TSC2: variants seen among roughly 807,000 people sequenced by gnomAD.
The protein encoded by TSC2 is tuberin.
A neutral mutation model predicts 202.2 loss-of-function variants in TSC2; 29 were observed. The observed-to-expected ratio is 0.14, with a 90% CI of 0.11 to 0.20. TSC2 has a LOEUF of 0.20. TSC2 is among the 10% of genes least tolerant of loss of function. The probability of loss-of-function intolerance (pLI) is 1.00; values close to 1 mark genes in which losing one functional copy is unlikely to be tolerated. For missense variants in TSC2, 2,429 were observed against 2,420.0 expected (o/e 1.00, Z -0.08); for synonymous variants, 1,349 against 1,044.0 (o/e 1.29, Z -5.63).
intron 22 of TSC2, among the ~76,000 whole-genome samples, chr16:2,075,574 G>A (rs1436574330): frequency 4.0e-5 from 6 of 149,798 alleles, no homozygotes; most frequent in East Asian, 3.9e-4. Flanking sequence ...CTTTCCTCAC[G>A]GATCACACAA....
At chr16:2,085,416 A>G in intron 36 of TSC2, 94 bp downstream of exon 36, 1 of 1,320,424 alleles carries the variant, frequency 7.6e-7, no homozygotes, top group East Asian at 2.3e-5. Context: ...CGCCCCACAG[A>G]GCTCAACACT....
chr16:2,071,748 G>T lies in TSC2; in HGVS notation c.1947-36G>T, dbSNP rs376758220. ...CCAAGTCTGTTCCGTTCCTGCTGCG[G>T]GGACTTGGCCTCAGCTGCTTCTCTT... On this transcript the variant is annotated intron_variant, in intron 18 of 41. Coordinates refer to ENST00000219476, the MANE Select transcript of TSC2 (RefSeq NM_000548.5). 3 of 1,600,904 alleles carry T rather than the reference G, an allele frequency of 1.9e-6. No individual in the cohort carries two copies. In the African/African-American group the frequency reaches 4.0e-5, roughly 21 times the overall value.
At chr16:2,055,890 CAAAAAAAAA>C (rs373314420) in intron 6 of TSC2, 22 of 266,928 alleles carry the variant, frequency 8.2e-5, no homozygotes, top group African/African-American at 6.3e-4. Flanking sequence ...AACTCCATCT[CAAAAAAAAA>C]AAAAAAAAAA....
At chr16:2,083,601 C>T (rs1387740328) in intron 32 of TSC2, 94 bp from the exon 33 acceptor site, 3 of 1,540,434 alleles carry the variant, frequency 1.9e-6, no homozygotes, top group Non-Finnish European at 1.7e-6. Flanking sequence ...GGCTGCTGTC[C>T]CTCTGGTCAG....
At chr16:2,070,601 G>A in intron 17 of TSC2, 23 bp downstream of exon 17, 1 of 1,612,778 alleles carries the variant, frequency 6.2e-7, no homozygotes, top group Non-Finnish European at 8.5e-7. Flanking sequence ...GGGTTGCGCA[G>A]CCAGTTCCTG....
At chr16:2,055,010 G>T in intron 5 of TSC2, 1 of 358,228 alleles carries the variant, frequency 2.8e-6, no homozygotes, top group African/African-American at 2.1e-5. Flanking sequence ...CCTGTCTGAG[G>T]TGACGTGGCC....
intron 7 of TSC2, 25 bp downstream of exon 7, chr16:2,056,269 C>T (rs367881085): frequency 1.7e-5 from 27 of 1,613,604 alleles, no homozygotes; most frequent in African/African-American, 4.0e-5. Context: ...TCCCCAGGGC[C>T]GGCCCATTTC....
intron 17 of TSC2, chr16:2,071,251 C>G (rs1333043023): frequency 3.5e-6 from 2 of 565,648 alleles, no homozygotes; most frequent in Admixed American, 2.9e-5. Context: ...CCTTCCATCC[C>G]AGGCGGGCCC....
Position 2,048,002 on chromosome 16 carries a change from G to A in TSC2, c.-93G>A, listed in dbSNP as rs2084550820. ...CGGGTCGCGCTTCCGGCGGCGTCCC[G>A]GGGCCAGGGGGGTGCGCCTTTCTCC... On this transcript the variant is annotated 5_prime_UTR_variant, in exon 1 of 42. Transcript: ENST00000219476. 2 of 1,485,980 alleles carry A rather than the reference G, an allele frequency of 1.3e-6. No individual in the cohort carries two copies. Among genetic ancestry groups the A allele is most frequent in the Non-Finnish European group, 8.9e-7 (1 of 1,121,168 alleles). The allele number at this position is 1,485,980 out of a possible 1,614,324, so 92.0% of individuals were successfully genotyped here. A position where few individuals can be genotyped will look rare whatever the true frequency, so the allele number is the denominator to read the frequency against.
chr16:2,077,627 G>T lies in TSC2; in HGVS notation c.2867G>T (p.Gly956Val), dbSNP rs2151413781. ...SLRIARPPKQ[G>V]LNNSPPVKEF... is the part of the protein sequence containing the mutation. ...AGGATAGCCAGACCCCCCAAACAAG[G>T]CTTGAATAACTCTCCACCCGTGAAA... The change falls in exon 26 of 42, where the codon GGC becomes GTC. Residue 956 changes from glycine (G) to valine (V), a missense_variant. Gly to Val is a moderately radical substitution (Grantham distance 109). Coordinates refer to ENST00000219476, the MANE Select transcript of TSC2 (RefSeq NM_000548.5). The T allele has an allele frequency of 6.2e-7, 1 of 1,613,154 alleles. No homozygotes were observed. Among genetic ancestry groups the T allele is most frequent in the Non-Finnish European group, 8.5e-7 (1 of 1,180,012 alleles).
chr16:2,076,321 C>A (rs902867763), intron 24 of TSC2, 151 bp downstream of exon 24: 11 of 1,557,782 alleles, frequency 7.1e-6, no homozygotes, highest in African/African-American at 6.8e-5. Context: ...CTCTGCTGGG[C>A]AGCCTGCAGG....
chr16:2,078,958 T>C (rs2089775027), intron 26 of TSC2, 74 bp from the exon 27 acceptor site: 1 of 1,598,656 alleles, frequency 6.3e-7, no homozygotes. Flanking sequence ...TGCGTTGAGC[T>C]TTGGCCCTTG....
intron 11 of TSC2, 178 bp from the exon 12 acceptor site, chr16:2,061,691 GTC>G (rs898758544): frequency 3.0e-6 from 3 of 1,001,184 alleles, no homozygotes; most frequent in Non-Finnish European, 4.5e-6. Context: ...ATCTGGGGGT[GTC>G]TCAACCCATG....
At chr16:2,065,351 T>C (rs2087184638) in intron 15 of TSC2, 168 bp from the exon 16 acceptor site, 1 of 662,662 alleles carries the variant, frequency 1.5e-6, no homozygotes, top group Non-Finnish European at 2.7e-6. Flanking sequence ...AGGCGGAGCT[T>C]GTAGTGAGCT....
At chr16:2,085,125 G>T in intron 35 of TSC2, 99 bp downstream of exon 35, 1 of 1,601,292 alleles carries the variant, frequency 6.2e-7, no homozygotes, top group Admixed American at 1.7e-5. Flanking sequence ...GCTTGCAGAG[G>T]GCTCTGGCCT....
chr16:2,087,343 G>A (rs564414339), intron 38 of TSC2: 338 of 336,776 alleles, frequency 1.0e-3, no homozygotes, highest in African/African-American at 6.2e-3. Flanking sequence ...GCCCAGGCAG[G>A]GCAGATAGGC....
chr16:2,049,953 CTTTTTTTT>C (rs34020463), intron 2 of TSC2, among the ~76,000 whole-genome samples: 1 of 135,486 alleles, frequency 7.4e-6, no homozygotes, highest in Non-Finnish European at 1.6e-5. Context: ...CTCAGTAAAT[CTTTTTTTT>C]TTTTTTTTTT....
chr16:2,070,930 G>A (rs1434665529), intron 17 of TSC2, among the ~76,000 whole-genome samples: 1 of 151,942 alleles, frequency 6.6e-6, no homozygotes, highest in Non-Finnish European at 1.5e-5. Context: ...GCACAGGGCA[G>A]AGCTGAGAGG....
intron 14 of TSC2, 32 bp downstream of exon 14, chr16:2,063,085 C>T: frequency 6.4e-7 from 1 of 1,550,568 alleles, no homozygotes; most frequent in Non-Finnish European, 8.7e-7. Flanking sequence ...GCTGGGGGCT[C>T]AGGGCTATTT....
Sources: gnomAD v4.1 joint callset for allele counts (sites outside exome capture counted in the v4.1 genomes callset) on GRCh38, gnomAD v4.1.1 for gene constraint, MANE v1.5 for transcripts, NCBI Gene and HGNC (gene_info 2026-07-23, HGNC 2026-07-21) for gene names.